Variants in TANGO6 observed in about 807,000 individuals in gnomAD.
The protein encoded by TANGO6 is transport and golgi organization 6 homolog, also known as transport and Golgi organization protein 6 homolog.
A neutral mutation model predicts 114.2 loss-of-function variants in TANGO6; 90 were observed. The observed-to-expected ratio is 0.79, with a 90% CI of 0.66 to 0.94. The LOEUF (loss-of-function observed/expected upper bound fraction) is 0.94. Ranked by LOEUF, TANGO6 falls within the 40% of genes least tolerant of loss-of-function variation. TANGO6 has a pLI of 0.00. For missense variants in TANGO6, 1,274 were observed against 1,315.3 expected, an observed-to-expected ratio of 0.97 and a Z score of 0.49; for synonymous variants, 477 against 509.8, an observed-to-expected ratio of 0.94 and a Z score of 0.87.
chr16:69,079,321 CTG>C (rs1407676986), intron 17 of TANGO6, among the ~76,000 whole-genome samples: 1 of 151,546 alleles, frequency 6.6e-6, no homozygotes, highest in Non-Finnish European at 1.5e-5. Context: ...AAGAGCAAAA[CTG>C]TCTCAAAAAC....
chr16:68,940,817 G>A (rs1317752065), intron 14 of TANGO6, among the ~76,000 whole-genome samples: 2 of 152,066 alleles, frequency 1.3e-5, no homozygotes, highest in Non-Finnish European at 1.5e-5. Context: ...CTAATAACAG[G>A]TATATTATAG....
intron 12 of TANGO6, among the ~76,000 whole-genome samples, chr16:68,922,009 CT>C (rs1187932459): frequency 1.3e-5 from 2 of 152,008 alleles, no homozygotes; most frequent in Admixed American, 6.6e-5. Flanking sequence ...TGTCATGGTT[CT>C]GAATTGTGTT....
At chr16:68,957,970 G>A (rs1050133200) in intron 14 of TANGO6, among the ~76,000 whole-genome samples, 2 of 151,844 alleles carry the variant, frequency 1.3e-5, no homozygotes, top group Admixed American at 6.6e-5. Context: ...TCAGGAGTTC[G>A]AGACAAGCCT....
At chr16:69,013,742 C>T (rs1452780996) in intron 15 of TANGO6, among the ~76,000 whole-genome samples, 2 of 151,682 alleles carry the variant, frequency 1.3e-5, no homozygotes. Flanking sequence ...CTGCAACCTC[C>T]ACCTCCTGGG....
intron 13 of TANGO6, among the ~76,000 whole-genome samples, chr16:68,930,037 C>G (rs1247700329): frequency 3.3e-5 from 5 of 152,212 alleles, no homozygotes; most frequent in African/African-American, 1.2e-4. Flanking sequence ...GTATCTCCCC[C>G]AGTCTCTATA....
At position 68,950,141 on chromosome 16, in the gene TANGO6, T is replaced by C. The variant is rs189742603; in HGVS notation, c.2701+19846T>C. 7.0e-4 allele frequency among the ~76,000 whole-genome samples: 106 copies of C among 152,176 alleles called. 2 individuals are homozygous for C. The Middle Eastern group carries it at 0.02, about 29-fold the overall frequency. Reference sequence around the variant, plus strand: ...AATAGTTGTCAGAGGATGTGGGGGATGGAGGAGTAAGGAGTGACTGATAAT... The same window carrying C: ...AATAGTTGTCAGAGGATGTGGGGGACGGAGGAGTAAGGAGTGACTGATAAT... On this transcript the variant is annotated intron_variant, in intron 14 of 17. Coordinates refer to ENST00000261778, the MANE Select transcript of TANGO6 (RefSeq NM_024562.2).
intron 14 of TANGO6, among the ~76,000 whole-genome samples, chr16:68,963,646 C>G (rs1334484069): frequency 6.6e-6 from 1 of 152,206 alleles, no homozygotes; most frequent in Non-Finnish European, 1.5e-5. Flanking sequence ...CACACATGCT[C>G]AAACAACTTC....
At chr16:68,899,774 A>G (rs1962758906) in intron 7 of TANGO6, among the ~76,000 whole-genome samples, 2 of 151,966 alleles carry the variant, frequency 1.3e-5, no homozygotes, top group South Asian at 2.1e-4. Flanking sequence ...TAATTTTTAA[A>G]TTTTTTTGTA....
rs1053831085 is a variant in TANGO6 at position 69,043,702 on chromosome 16, C to G, written c.3108+3281C>G. On this transcript the variant is annotated intron_variant, in intron 17 of 17. Coordinates refer to ENST00000261778, the MANE Select transcript of TANGO6 (RefSeq NM_024562.2). ...ATGAGAAGTGGAGATAACCACAAAG[C>G]TTTCAATCTGGAATTTCTCTTTATG... Among the ~76,000 whole-genome samples the G allele has an allele frequency of 1.2e-4, 18 of 152,162 alleles. 1 individual carries two copies. Among genetic ancestry groups the G allele is most frequent in the Non-Finnish European group, 1.5e-5 (1 of 68,044 alleles).
rs1488419585 is a variant in TANGO6, at chr16:68,844,449, T to C, written c.94+738T>C. On this transcript the variant is annotated intron_variant, in intron 1 of 17. Coordinates refer to ENST00000261778, the MANE Select transcript of TANGO6 (RefSeq NM_024562.2). ...GTTCAGTATAGGGGCTCTGATGTTA[T>C]CTGGAGCTTTTGGAAAGGACGTGGA... is the stretch of plus-strand genomic sequence containing the variant. 3.3e-5 allele frequency among the ~76,000 whole-genome samples: 5 copies of C among 152,118 alleles called. No homozygotes were observed. In the East Asian group the frequency reaches 7.7e-4, roughly 23 times the overall value.
intron 11 of TANGO6, among the ~76,000 whole-genome samples, chr16:68,917,060 T>G (rs1963015525): frequency 6.6e-6 from 1 of 152,186 alleles, no homozygotes; most frequent in Admixed American, 6.6e-5. Context: ...ATGCTCCACC[T>G]GTTCTGTTCT....
intron 15 of TANGO6, among the ~76,000 whole-genome samples, chr16:69,006,634 C>T (rs1964094171): frequency 6.6e-6 from 1 of 152,018 alleles, no homozygotes; most frequent in South Asian, 2.1e-4. Flanking sequence ...GCCTGTAATC[C>T]CATCTACTCT....
intron 17 of TANGO6, among the ~76,000 whole-genome samples, chr16:69,077,784 A>G (rs918943606): frequency 2.6e-5 from 4 of 152,140 alleles, no homozygotes; most frequent in African/African-American, 9.7e-5. Flanking sequence ...GAGCTGAGAT[A>G]GAGCCACTGC....
chr16:68,873,458 C>T (rs534247590), intron 4 of TANGO6, among the ~76,000 whole-genome samples: 1 of 152,110 alleles, frequency 6.6e-6, no homozygotes, highest in South Asian at 2.1e-4. Context: ...GGATTACAGG[C>T]GCCCACCACC....
chr16:68,984,241 T>G (rs554744755), intron 15 of TANGO6, among the ~76,000 whole-genome samples: 1 of 151,910 alleles, frequency 6.6e-6, no homozygotes, highest in Non-Finnish European at 1.5e-5. Context: ...AAGAAGAAAT[T>G]TTCATCAAAA....
At chr16:68,973,809 G>T in intron 14 of TANGO6, 1 of 563,704 alleles carries the variant, frequency 1.8e-6, no homozygotes, top group Non-Finnish European at 3.2e-6. Context: ...CTTAGAGATC[G>T]TATCAGGCTG....
rs756821047 is a variant in TANGO6 at position 68,863,026 on chromosome 16, C to T, written c.817C>T (p.Arg273Trp). Residue 273 changes from arginine (R) to tryptophan (W), a missense_variant, in exon 3 of 18, where the codon CGG (arginine) becomes TGG (tryptophan). By Grantham distance (101) the Arg-to-Trp change is moderately radical. Transcript: ENST00000261778. Reference sequence around the variant, plus strand: ...TCAAGTCTATCAGCCCTTAGCAGTCCGGGAACTGCTTATCCTCCAGGGAGG... The same window carrying T: ...TCAAGTCTATCAGCCCTTAGCAGTCTGGGAACTGCTTATCCTCCAGGGAGG... Reference protein sequence around the residue: ...LDQVYQPLAVRELLILQGGPP... With the variant: ...LDQVYQPLAVWELLILQGGPP... 1.1e-5 allele frequency: 17 copies of T among 1,592,240 alleles called. No individual in the cohort carries two copies. The East Asian group carries it at 1.1e-4, about 11-fold the overall frequency.
chr16:69,065,573 TA>T (rs1267171134), intron 17 of TANGO6, among the ~76,000 whole-genome samples: 9 of 152,304 alleles, frequency 5.9e-5, no homozygotes, highest in African/African-American at 2.2e-4. Context: ...CCAGAAAGGG[TA>T]AAAGTGCCAT....
Position 68,880,938 on chromosome 16 carries a change from T to A in TANGO6, c.1377+308T>A, listed in dbSNP as rs577479498. ...ACCAGAAACTGTAAGCTGACGTTTT[T>A]TGTCTTTTGTTGTTGTTGCTTTTCC... is the stretch of plus-strand genomic sequence containing the variant. On this transcript the variant is annotated intron_variant, in intron 7 of 17. Coordinates refer to ENST00000261778, the MANE Select transcript of TANGO6 (RefSeq NM_024562.2). Among the ~76,000 whole-genome samples the A allele has an allele frequency of 5.9e-5, 9 of 152,236 alleles. No individual in the cohort carries two copies. The South Asian group carries it at 1.9e-3, about 32-fold the overall frequency.
Sources: allele counts gnomAD v4.1 joint callset (sites outside exome capture counted in the v4.1 genomes callset), GRCh38; gene constraint gnomAD v4.1.1; transcripts MANE v1.5; gene names NCBI Gene and HGNC (gene_info 2026-07-23, HGNC 2026-07-21).